The following SPON1 variants were observed in gnomAD, a reference collection of about 807,000 sequenced individuals.
SPON1 encodes the protein spondin 1.
SPON1 carries 52 observed loss-of-function variants against 111.7 expected under a neutral mutation model. That is an observed-to-expected ratio of 0.47 (90% CI 0.37 to 0.59). SPON1 has a LOEUF of 0.59. SPON1 is among the 20% of genes least tolerant of loss of function. SPON1 has a pLI of 0.00. For synonymous variants in SPON1, 410 were observed against 395.8 expected, an observed-to-expected ratio of 1.04 and a Z score of -0.43; for missense variants, 957 against 1,068.5, an observed-to-expected ratio of 0.90 and a Z score of 1.46.
At chr11:14,164,319 G>T (rs1848002293) in intron 6 of SPON1, among the ~76,000 whole-genome samples, 1 of 152,066 alleles carries the variant, frequency 6.6e-6, no homozygotes, top group Non-Finnish European at 1.5e-5. Context: ...TTAATATCAG[G>T]ATACCAGTTG....
chr11:14,138,090 T>C (rs1237861971), intron 6 of SPON1, among the ~76,000 whole-genome samples: 1 of 152,186 alleles, frequency 6.6e-6, no homozygotes, highest in Non-Finnish European at 1.5e-5. Flanking sequence ...ACTAACACAG[T>C]GTTCTCGGGC....
At chr11:14,193,846 G>A (rs1848373030) in intron 6 of SPON1, among the ~76,000 whole-genome samples, 1 of 152,188 alleles carries the variant, frequency 6.6e-6, no homozygotes, top group African/African-American at 2.4e-5. Flanking sequence ...CCATCACACA[G>A]CCATTACAGA....
At chr11:14,133,910 C>A (rs1591384658) in intron 5 of SPON1, among the ~76,000 whole-genome samples, 1 of 152,210 alleles carries the variant, frequency 6.6e-6, no homozygotes, top group African/African-American at 2.4e-5. Flanking sequence ...CGTGGCTGCC[C>A]TCAGCAGGCC....
chr11:14,106,111 T>G (rs1268104399), intron 5 of SPON1, among the ~76,000 whole-genome samples: 2 of 152,222 alleles, frequency 1.3e-5, no homozygotes, highest in Non-Finnish European at 2.9e-5. Context: ...GGATCAATTA[T>G]TATGTAAGCT....
At chr11:14,026,353 A>G (rs997633580) in intron 2 of SPON1, among the ~76,000 whole-genome samples, 1 of 152,224 alleles carries the variant, frequency 6.6e-6, no homozygotes, top group Non-Finnish European at 1.5e-5. Context: ...GTCAAAATAT[A>G]ATTAGATCAA....
intron 3 of SPON1, 105 bp from the exon 4 acceptor site, chr11:14,075,240 A>G: frequency 1.3e-6 from 1 of 756,600 alleles, no homozygotes; most frequent in Non-Finnish European, 2.3e-6. Flanking sequence ...AGTTGGGGTG[A>G]CTCACTCAAA....
intron 2 of SPON1, among the ~76,000 whole-genome samples, chr11:14,016,511 T>C (rs1554914300): frequency 6.6e-6 from 1 of 152,194 alleles, no homozygotes; most frequent in African/African-American, 2.4e-5. Context: ...TTTTCTAAAT[T>C]TGATTAGCAG....
chr11:14,081,143 G>A (rs534002028), intron 5 of SPON1, among the ~76,000 whole-genome samples: 1 of 152,022 alleles, frequency 6.6e-6, no homozygotes, highest in South Asian at 2.1e-4. Context: ...AAAGCCATGA[G>A]AGTTGTCAGG....
At chr11:14,233,766 T>C (rs1400604666) in intron 6 of SPON1, among the ~76,000 whole-genome samples, 23 of 143,782 alleles carry the variant, frequency 1.6e-4, no homozygotes, top group African/African-American at 6.0e-4. Flanking sequence ...TTCTTTTTTT[T>C]TTTTTTTTTT....
At chr11:14,122,171 T>TA (rs1554926567) in intron 5 of SPON1, among the ~76,000 whole-genome samples, 6 of 146,746 alleles carry the variant, frequency 4.1e-5, no homozygotes, top group South Asian at 2.1e-4. Context: ...AAAATATTTT[T>TA]TTTTATTTAT....
intron 6 of SPON1, among the ~76,000 whole-genome samples, chr11:14,186,264 G>A (rs1016603327): frequency 1.1e-4 from 17 of 152,218 alleles, no homozygotes; most frequent in Admixed American, 5.2e-4. Context: ...ATTGTGAAAA[G>A]AATAATTGCC....
intron 1 of SPON1, among the ~76,000 whole-genome samples, chr11:13,973,108 C>G (rs1249099077): frequency 1.3e-5 from 2 of 152,176 alleles, no homozygotes; most frequent in Non-Finnish European, 2.9e-5. Flanking sequence ...GGATAGCTGC[C>G]AGCAACCTTC....
chr11:14,136,251 T>C (rs1184836025), intron 6 of SPON1, among the ~76,000 whole-genome samples: 1 of 152,202 alleles, frequency 6.6e-6, no homozygotes, highest in African/African-American at 2.4e-5. Flanking sequence ...AGTGGTGGTT[T>C]GCTGCAAGAC....
intron 3 of SPON1, among the ~76,000 whole-genome samples, chr11:14,046,184 TG>T (rs1564892928): frequency 6.6e-6 from 1 of 152,108 alleles, no homozygotes; most frequent in Non-Finnish European, 1.5e-5. Context: ...GCAGAGAGGA[TG>T]GGGTAGAGAG....
chr11:14,164,701 A>G (rs1474277349), intron 6 of SPON1, among the ~76,000 whole-genome samples: 1 of 152,184 alleles, frequency 6.6e-6, no homozygotes, highest in Non-Finnish European at 1.5e-5. Context: ...AGAGTTGGCC[A>G]TGCAGGAGAC....
At chr11:13,963,865 A>G (rs1266327189) in intron 1 of SPON1, among the ~76,000 whole-genome samples, 1 of 152,180 alleles carries the variant, frequency 6.6e-6, no homozygotes, top group African/African-American at 2.4e-5. Context: ...TCCGAGCTGC[A>G]AGGGGAATTG....
intron 2 of SPON1, among the ~76,000 whole-genome samples, chr11:14,014,285 G>A (rs374995712): frequency 6.6e-6 from 1 of 152,144 alleles, no homozygotes; most frequent in Admixed American, 6.5e-5. Flanking sequence ...GAAAGGAGGG[G>A]TTGTCATAGA....
chr11:14,146,185 T>G (rs1276902727), intron 6 of SPON1, among the ~76,000 whole-genome samples: 1 of 149,798 alleles, frequency 6.7e-6, no homozygotes, highest in African/African-American at 2.5e-5. Flanking sequence ...AGTCTCTGTC[T>G]GTTGCCCAGG....
chr11:14,094,803 G>A (rs782575207), intron 5 of SPON1, among the ~76,000 whole-genome samples: 3 of 152,262 alleles, frequency 2.0e-5, no homozygotes, highest in Non-Finnish European at 4.4e-5. Flanking sequence ...AAGGCCATAT[G>A]TGGCTGCTGA....
Sources: gnomAD v4.1 joint callset for allele counts (sites outside exome capture counted in the v4.1 genomes callset) on GRCh38, gnomAD v4.1.1 for gene constraint, MANE v1.5 for transcripts, NCBI Gene and HGNC (gene_info 2026-07-23, HGNC 2026-07-21) for gene names.